The following SLC39A11 variants were observed in gnomAD, a reference collection of about 807,000 sequenced individuals.
The protein encoded by SLC39A11 is solute carrier family 39 member 11.
A neutral mutation model predicts 36.1 loss-of-function variants in SLC39A11; 33 were observed. That is an observed-to-expected ratio of 0.91 (90% CI 0.69 to 1.22). The LOEUF is 1.22. Ranked by LOEUF, SLC39A11 falls within the 50% of genes most tolerant of loss-of-function variation. The pLI, the probability that SLC39A11 is intolerant of heterozygous loss-of-function variation, is 0.00. For missense variants in SLC39A11, 432 were observed against 430.3 expected (o/e 1.00, Z -0.03); for synonymous variants, 166 against 170.3 (o/e 0.97, Z 0.20).
At chr17:72,673,362 C>T (rs1394280118) in intron 7 of SLC39A11, among the ~76,000 whole-genome samples, 1 of 152,168 alleles carries the variant, frequency 6.6e-6, no homozygotes, top group East Asian at 1.9e-4. Context: ...CTCGGCCTCC[C>T]AAAGTGCTGG....
intron 3 of SLC39A11, among the ~76,000 whole-genome samples, chr17:73,069,569 T>C (rs2060098360): frequency 6.6e-6 from 1 of 152,368 alleles, no homozygotes; most frequent in African/African-American, 2.4e-5. Context: ...CTTTGATTAC[T>C]GGCTCTTCTC....
chr17:73,085,539 G>T (rs1047218669), intron 2 of SLC39A11, among the ~76,000 whole-genome samples: 1 of 151,402 alleles, frequency 6.6e-6, no homozygotes, highest in Non-Finnish European at 1.5e-5. Flanking sequence ...GCAGCTACTT[G>T]GCTGAGACAG....
At chr17:73,055,636 G>A (rs2059640615) in intron 3 of SLC39A11, among the ~76,000 whole-genome samples, 1 of 151,818 alleles carries the variant, frequency 6.6e-6, no homozygotes, top group African/African-American at 2.4e-5. Flanking sequence ...CGGGTAGGGG[G>A]CGAGGGGCAG....
chr17:73,038,656 G>T (rs962091341), intron 3 of SLC39A11, among the ~76,000 whole-genome samples: 1 of 151,244 alleles, frequency 6.6e-6, no homozygotes, highest in Non-Finnish European at 1.5e-5. Flanking sequence ...GCAGTGAGCT[G>T]GGATGGAGCC....
At chr17:72,710,715 T>A (rs1373952842) in intron 7 of SLC39A11, among the ~76,000 whole-genome samples, 8 of 152,228 alleles carry the variant, frequency 5.3e-5, no homozygotes, top group African/African-American at 1.9e-4. Context: ...TATAAATTGT[T>A]GATTTTATTT....
intron 7 of SLC39A11, among the ~76,000 whole-genome samples, chr17:72,706,458 T>C (rs1479931661): frequency 1.1e-4 from 17 of 152,184 alleles, no homozygotes; most frequent in Admixed American, 9.8e-4. Flanking sequence ...TTGCCAACTC[T>C]GTAGTGTTCC....
chr17:72,676,925 G>A (rs536381568), intron 7 of SLC39A11, among the ~76,000 whole-genome samples: 16 of 152,328 alleles, frequency 1.1e-4, no homozygotes, highest in African/African-American at 3.8e-4. Context: ...AACTCCCCTG[G>A]AAGAAGATTC....
intron 6 of SLC39A11, among the ~76,000 whole-genome samples, chr17:72,826,447 G>A (rs2078031647): frequency 6.6e-6 from 1 of 152,066 alleles, no homozygotes; most frequent in Admixed American, 6.6e-5. Context: ...TAATACAGCT[G>A]GATTTCCTTT....
intron 6 of SLC39A11, among the ~76,000 whole-genome samples, chr17:72,831,514 T>A (rs1163971677): frequency 6.6e-6 from 1 of 152,220 alleles, no homozygotes; most frequent in Non-Finnish European, 1.5e-5. Flanking sequence ...TATCACAACT[T>A]GGAGAAGTCA....
chr17:72,819,287 G>T (rs2077689223), intron 6 of SLC39A11, among the ~76,000 whole-genome samples: 1 of 151,256 alleles, frequency 6.6e-6, no homozygotes, highest in Non-Finnish European at 1.5e-5. Context: ...GAGACAGAGG[G>T]AGAAGAAGCC....
In SLC39A11 at chr17:72,960,909, G is replaced by C. The variant is rs538110771; in HGVS notation, c.307-13034C>G. Among the ~76,000 whole-genome samples, 182 of 152,168 alleles carry C rather than the reference G, an allele frequency of 1.2e-3. 1 individual carries two copies. The highest frequency in any genetic ancestry group is 4.0e-3 in the African/African-American group (168 of 41,534). ...ACCAGCGCTTCTATTACCAATCCTG[G>C]AAAAGAGATCTTTATCTCAGCACTG... On this transcript the variant is annotated intron_variant, in intron 4 of 9. Coordinates refer to ENST00000255559, the MANE Select transcript of SLC39A11 (RefSeq NM_139177.4).
intron 7 of SLC39A11, among the ~76,000 whole-genome samples, chr17:72,662,858 C>T (rs571320317): frequency 6.6e-6 from 1 of 152,222 alleles, no homozygotes; most frequent in Admixed American, 6.5e-5. Flanking sequence ...CACACACATC[C>T]TGGGAGTGCT....
intron 7 of SLC39A11, among the ~76,000 whole-genome samples, chr17:72,735,224 C>A (rs2074376342): frequency 6.6e-6 from 1 of 152,150 alleles, no homozygotes; most frequent in Non-Finnish European, 1.5e-5. Flanking sequence ...ATGGAGCAGG[C>A]ACGCTTCTTA....
chr17:72,756,466 A>G (rs1048898504), intron 6 of SLC39A11, among the ~76,000 whole-genome samples: 1 of 152,272 alleles, frequency 6.6e-6, no homozygotes, highest in Admixed American at 6.5e-5. Flanking sequence ...AAGGAAGGAA[A>G]TGCTGACACA....
chr17:72,714,739 G>A (rs1259231592), intron 7 of SLC39A11, among the ~76,000 whole-genome samples: 3 of 152,182 alleles, frequency 2.0e-5, no homozygotes, highest in Admixed American at 6.5e-5. Context: ...TTGTGATTAT[G>A]GGGCTGTCCC....
intron 4 of SLC39A11, among the ~76,000 whole-genome samples, chr17:73,001,880 G>A (rs2089843625): frequency 6.6e-6 from 1 of 152,154 alleles, no homozygotes. Flanking sequence ...AGACAGAACA[G>A]GTATGGGAAA....
At chr17:72,650,897 C>T (rs763229157) in intron 7 of SLC39A11, among the ~76,000 whole-genome samples, 57 of 152,298 alleles carry the variant, frequency 3.7e-4, no homozygotes, top group South Asian at 8.3e-4. Flanking sequence ...AGGCCTGATC[C>T]GGCTGAGGCC....
At chr17:72,683,944 T>C (rs1188101585) in intron 7 of SLC39A11, among the ~76,000 whole-genome samples, 2 of 152,114 alleles carry the variant, frequency 1.3e-5, no homozygotes, top group Non-Finnish European at 2.9e-5. Flanking sequence ...CCTGACCCTT[T>C]TCCAACACTA....
chr17:72,764,958 C>T (rs1418880579), intron 6 of SLC39A11, among the ~76,000 whole-genome samples: 4 of 152,200 alleles, frequency 2.6e-5, no homozygotes, highest in African/African-American at 9.7e-5. Context: ...CCTACAACCT[C>T]CAAACTGCCC....
Sources: gnomAD v4.1 joint callset for allele counts (sites outside exome capture counted in the v4.1 genomes callset) on GRCh38, gnomAD v4.1.1 for gene constraint, MANE v1.5 for transcripts, NCBI Gene and HGNC (gene_info 2026-07-23, HGNC 2026-07-21) for gene names.